NTRK3: variants seen among roughly 807,000 people sequenced by gnomAD.
NTRK3 encodes the protein NT-3 growth factor receptor.
Under a neutral mutation model 91.7 loss-of-function variants are expected in NTRK3, and 24 were observed. That is an observed-to-expected ratio of 0.26 (90% CI 0.19 to 0.37). The LOEUF is 0.37. Among genes scored for constraint, NTRK3 ranks in the 10% least tolerant of loss-of-function variants. The probability of loss-of-function intolerance (pLI) is 1.00; values close to 1 mark genes in which losing one functional copy is unlikely to be tolerated. For synonymous variants in NTRK3, 483 were observed against 404.0 expected, an observed-to-expected ratio of 1.20 and a Z score of -2.34; for missense variants, 880 against 1,068.9, an observed-to-expected ratio of 0.82 and a Z score of 2.46.
At position 88,233,089 on chromosome 15, in the gene NTRK3, G is replaced by T. The variant is rs1284389802; in HGVS notation, c.248+22817C>A. On this transcript the variant is annotated intron_variant, in intron 3 of 18. Coordinates refer to ENST00000394480, the Ensembl canonical transcript of NTRK3. The surrounding 1 kb of genome is among the most constrained non-coding windows in gnomAD (Gnocchi z 4.2). ...GATGGCTTCAAGGCTGAGGGGAGAA[G>T]GGACCATTAAACTCACTGAATAAGT... Among the ~76,000 whole-genome samples the T allele has an allele frequency of 6.6e-6, 1 of 152,184 alleles. No homozygotes were observed. The highest frequency in any genetic ancestry group is 1.5e-5 in the Non-Finnish European group (1 of 68,032).
In NTRK3 at chr15:88,207,542, G is replaced by C. The variant is rs139515186; in HGVS notation, c.249-23243C>G. ...ATCACTGTGGCCTCATCCAGTCACA[G>C]AGACTCAGGTGGCAAAGCAGTATAT... On this transcript the variant is annotated intron_variant, in intron 3 of 18. Coordinates refer to ENST00000394480, the Ensembl canonical transcript of NTRK3. Among the ~76,000 whole-genome samples, 564 of 152,362 alleles carry C rather than the reference G, an allele frequency of 3.7e-3. 9 individuals carry two copies. The South Asian group carries it at 0.042, about 11-fold the overall frequency.
exon 19 of NTRK3, chr15:87,876,500 T>G: frequency 4.5e-6 from 1 of 223,650 alleles, no homozygotes; most frequent in East Asian, 6.5e-5. Context: ...ATCCCAAAGA[T>G]TGTCTCTCTG....
intron 14 of NTRK3, among the ~76,000 whole-genome samples, chr15:87,968,598 A>G (rs565387709): frequency 1.2e-3 from 189 of 152,304 alleles, no homozygotes; most frequent in Non-Finnish European, 2.4e-3. Flanking sequence ...CCTAAATACA[A>G]TATTGCTTGT....
chr15:88,116,806 AT>A (rs1166218412), intron 13 of NTRK3, among the ~76,000 whole-genome samples: 1 of 152,228 alleles, frequency 6.6e-6, no homozygotes, highest in Non-Finnish European at 1.5e-5. Flanking sequence ...CTCTACAGAT[AT>A]AGGATGGTGG....
intron 13 of NTRK3, among the ~76,000 whole-genome samples, chr15:88,062,172 G>A (rs985981139): frequency 4.6e-5 from 7 of 152,136 alleles, no homozygotes; most frequent in Non-Finnish European, 1.0e-4. Context: ...TCAGGGACTT[G>A]AGCATCCATC....
chr15:88,056,202 A>ATTTT (rs59829232), intron 13 of NTRK3, among the ~76,000 whole-genome samples: 6 of 104,864 alleles, frequency 5.7e-5, no homozygotes, highest in Admixed American at 2.8e-4. Flanking sequence ...ATATATATAT[A>ATTTT]TTTTTTTTTT....
At chr15:88,251,321 C>G (rs2053338405) in intron 3 of NTRK3, among the ~76,000 whole-genome samples, 1 of 152,234 alleles carries the variant, frequency 6.6e-6, no homozygotes, top group African/African-American at 2.4e-5. Context: ...GGGAAGTTCT[C>G]TGGGCCCTGA....
intron 13 of NTRK3, among the ~76,000 whole-genome samples, chr15:88,116,535 A>G (rs2052096600): frequency 6.6e-6 from 1 of 152,220 alleles, no homozygotes; most frequent in Non-Finnish European, 1.5e-5. Flanking sequence ...ACTGGCACTC[A>G]GGAAAAAACA....
At chr15:87,889,066 TG>T (rs1211194415) in intron 17 of NTRK3, among the ~76,000 whole-genome samples, 6 of 152,118 alleles carry the variant, frequency 3.9e-5, no homozygotes, top group African/African-American at 9.7e-5. Flanking sequence ...CATCCTCCAG[TG>T]GGGTGAATGT....
chr15:88,236,857 G>A (rs1005195120), intron 3 of NTRK3, among the ~76,000 whole-genome samples: 2 of 152,026 alleles, frequency 1.3e-5, no homozygotes, highest in African/African-American at 4.8e-5. Context: ...GGCTCCCCCT[G>A]GGGAGGCAAT....
intron 14 of NTRK3, among the ~76,000 whole-genome samples, chr15:87,950,480 G>T (rs945539586): frequency 1.3e-5 from 2 of 152,154 alleles, no homozygotes; most frequent in Non-Finnish European, 2.9e-5. Context: ...AAAGAAGAAA[G>T]GACAGGAAGG....
chr15:88,152,559 C>T (rs972602670), intron 5 of NTRK3, among the ~76,000 whole-genome samples: 1 of 152,200 alleles, frequency 6.6e-6, no homozygotes, highest in Non-Finnish European at 1.5e-5. Flanking sequence ...GCCAATGACA[C>T]TTTGATCTTA....
At chr15:88,156,871 G>A (rs781289182) in intron 5 of NTRK3, among the ~76,000 whole-genome samples, 9 of 152,138 alleles carry the variant, frequency 5.9e-5, no homozygotes, top group African/African-American at 2.2e-4. Flanking sequence ...CGTATGGAAA[G>A]TTCAACGGAA....
intron 5 of NTRK3, among the ~76,000 whole-genome samples, chr15:88,163,052 C>CT (rs1198714133): frequency 6.6e-6 from 1 of 152,166 alleles, no homozygotes; most frequent in Non-Finnish European, 1.5e-5. Context: ...CTGGATGTCT[C>CT]TCTCCCTACC....
intron 14 of NTRK3, among the ~76,000 whole-genome samples, chr15:87,993,799 G>A (rs1028132583): frequency 1.3e-5 from 2 of 152,174 alleles, no homozygotes; most frequent in Admixed American, 6.5e-5. Context: ...TGGCCACTAT[G>A]TTCAGAGCTG....
At chr15:87,956,947 T>G (rs1441545451) in intron 14 of NTRK3, among the ~76,000 whole-genome samples, 1 of 152,152 alleles carries the variant, frequency 6.6e-6, no homozygotes, top group Non-Finnish European at 1.5e-5. Flanking sequence ...TTATCGTTTA[T>G]CAATTCTCAG....
At chr15:87,977,140 A>G (rs970103025) in intron 14 of NTRK3, among the ~76,000 whole-genome samples, 1 of 152,334 alleles carries the variant, frequency 6.6e-6, no homozygotes, top group East Asian at 1.9e-4. Flanking sequence ...ATTCTTTCTC[A>G]ATACGATGAA....
At chr15:87,891,484 G>A (rs1459701026) in intron 17 of NTRK3, among the ~76,000 whole-genome samples, 2 of 152,226 alleles carry the variant, frequency 1.3e-5, no homozygotes, top group East Asian at 3.9e-4. Flanking sequence ...TCCCATCTCT[G>A]CTCAGTCTCC....
At position 87,958,114 on chromosome 15, in the gene NTRK3, C is replaced by T. The variant is rs562185608; in HGVS notation, c.1586-17361G>A. Among the ~76,000 whole-genome samples, 288 of 152,102 alleles carry T rather than the reference C, an allele frequency of 1.9e-3. 2 individuals are homozygous for T. The highest frequency in any genetic ancestry group is 6.5e-3 in the African/African-American group (270 of 41,486). On this transcript the variant is annotated intron_variant, in intron 14 of 18. Transcript: ENST00000394480. ...GTAATGCTAAAATTACAGCAAAAGC[C>T]GCTCCACACACAATTCCACAAATTA... is the stretch of plus-strand genomic sequence containing the variant.
Sources: allele counts gnomAD v4.1 joint callset (sites outside exome capture counted in the v4.1 genomes callset), GRCh38; gene constraint gnomAD v4.1.1; non-coding constraint Gnocchi (gnomAD v3.1); transcripts MANE v1.5; gene names NCBI Gene and HGNC (gene_info 2026-07-23, HGNC 2026-07-21).